Variants in UBR4 observed in about 807,000 individuals in gnomAD.
UBR4 encodes the protein E3 ubiquitin-protein ligase UBR4.
Under a neutral mutation model 575.6 loss-of-function variants are expected in UBR4, and 124 were observed. The observed-to-expected ratio is 0.22, with a 90% CI of 0.19 to 0.25. The LOEUF (loss-of-function observed/expected upper bound fraction) is 0.25, where lower values mean the gene tolerates loss of function less well. Ranked by LOEUF, UBR4 falls within the 10% of genes least tolerant of loss-of-function variation. The pLI is 1.00. For synonymous variants in UBR4, 2,455 were observed against 2,473.7 expected, an observed-to-expected ratio of 0.99 and a Z score of 0.22; for missense variants, 4,818 against 6,478.8, an observed-to-expected ratio of 0.74 and a Z score of 8.80.
At chr1:19,096,283 A>C (rs538159256) in intron 92 of UBR4, among the ~76,000 whole-genome samples, 1 of 152,332 alleles carries the variant, frequency 6.6e-6, no homozygotes, top group African/African-American at 2.4e-5. Context: ...CTATTTGGGG[A>C]AAGACAGTCA....
Position 19,139,024 on chromosome 1 carries a change from T to G in UBR4, c.8731+59A>C. The stretch of plus-strand genomic sequence containing the variant: ...ACCAACCCCAAGACCCAAGCAGAGA[T>G]TCCTGTTTTGTCCCCACCCTCTGCC... On this transcript the variant is annotated intron_variant, in intron 59 of 105. Transcript: ENST00000375254. This position sits in a 1 kb window ranked among gnomAD's most constrained non-coding sequence, Gnocchi z 4.2. The G allele has an allele frequency of 6.6e-7, 1 of 1,522,880 alleles. No homozygotes were observed. The highest frequency in any genetic ancestry group is 8.9e-7 in the Non-Finnish European group (1 of 1,128,954). The allele number at this position is 1,522,880 out of a possible 1,614,324, so 94.3% of individuals were successfully genotyped here.
At chr1:19,182,591 T>C (rs1454389534) in intron 17 of UBR4, among the ~76,000 whole-genome samples, 2 of 152,168 alleles carry the variant, frequency 1.3e-5, no homozygotes, top group African/African-American at 4.8e-5. Context: ...CCACCAGCAA[T>C]GCATCAAGAA....
rs776903531 is a variant in UBR4, at chr1:19,141,431, G to C, written c.8404C>G (p.Pro2802Ala). Residue 2802 changes from proline to alanine, a missense_variant, in exon 57 of 106, where the codon CCC becomes GCC. Pro to Ala is a conservative substitution (Grantham distance 27). This residue lies in a region of UBR4 where 129 missense variants were observed against 198.4 expected (regional missense o/e 0.65). Transcript: ENST00000375254. ...ALLAGAEGFP[P>A]MLDIPPDADD... ...GCATCAGGTGGGATGTCCAGCATGGGGGGGAAGCCCTCTGCGCCTGCCAGC... is the reference window on the plus strand; with the variant it reads ...GCATCAGGTGGGATGTCCAGCATGGCGGGGAAGCCCTCTGCGCCTGCCAGC... The C allele has an allele frequency of 1.4e-5, 23 of 1,614,118 alleles. No homozygotes were observed. The highest frequency in any genetic ancestry group is 1.6e-4 in the Middle Eastern group (1 of 6,084).
At chr1:19,121,723 CTT>C (rs1297724110) in intron 67 of UBR4, among the ~76,000 whole-genome samples, 2 of 152,222 alleles carry the variant, frequency 1.3e-5, no homozygotes, top group Admixed American at 1.3e-4. Context: ...GAGACTCCTA[CTT>C]TGTGCTTCTA....
chr1:19,179,038 A>G lies in UBR4; in HGVS notation c.2354+13T>C. 6.2e-7 allele frequency: 1 copy of G among 1,610,742 alleles called. No individual in the cohort carries two copies. Among genetic ancestry groups the G allele is most frequent in the Non-Finnish European group, 8.5e-7 (1 of 1,179,076 alleles). On this transcript the variant is annotated intron_variant, in intron 18 of 105. Coordinates refer to ENST00000375254, the MANE Select transcript of UBR4 (RefSeq NM_020765.3). ...TAACTTTCTCTATAGGCCTTCTCTT[A>G]CAGACATCTTACCTGTCCCAAACTT...
At chr1:19,104,688 G>T in intron 85 of UBR4, 22 bp from the exon 86 acceptor site, 1 of 1,612,598 alleles carries the variant, frequency 6.2e-7, no homozygotes. Context: ...GACAAGTGCA[G>T]TCAGTGTGAT....
At position 19,179,193 on chromosome 1, in the gene UBR4, C is replaced by A. The variant is rs747995808; in HGVS notation, c.2212G>T (p.Ala738Ser). The change falls in exon 18 of 106, where the codon GCT (alanine) becomes TCT (serine). Residue 738 changes from alanine (A) to serine (S), a missense_variant. This residue lies in a region of UBR4 where 1,172 missense variants were observed against 1,259.7 expected (regional missense o/e 0.93). Coordinates refer to ENST00000375254, the MANE Select transcript of UBR4 (RefSeq NM_020765.3). ...QNTLLQQLGV[A>S]PFSEGPWPLY... ...GGCCAAGGGCCCTCAGAAAAAGGAG[C>A]CACTCCTAGCTGCTGCAACAGTGTG... The A allele has an allele frequency of 6.3e-7, 1 of 1,586,600 alleles. No homozygotes were observed. The highest frequency in any genetic ancestry group is 2.2e-5 in the East Asian group (1 of 44,728).
chr1:19,105,392 C>A (rs2079076761), intron 84 of UBR4, among the ~76,000 whole-genome samples: 1 of 152,214 alleles, frequency 6.6e-6, no homozygotes, highest in South Asian at 2.1e-4. Context: ...GAGCACACTG[C>A]AGGGAGTGAA....
chr1:19,126,419 G>GT (rs1476756985), intron 64 of UBR4, 27 bp downstream of exon 64: 1 of 1,613,286 alleles, frequency 6.2e-7, no homozygotes, highest in Non-Finnish European at 8.5e-7. Context: ...AAGGACGAGT[G>GT]TTTCTTTGAT....
chr1:19,183,162 T>C (rs2091179726), intron 17 of UBR4, among the ~76,000 whole-genome samples: 1 of 152,264 alleles, frequency 6.6e-6, no homozygotes. Flanking sequence ...GGATGTTGAA[T>C]ACTTTTCCTA....
At chr1:19,086,307 G>A in intron 100 of UBR4, 37 bp from the exon 101 acceptor site, 1 of 1,249,728 alleles carries the variant, frequency 8.0e-7, no homozygotes, top group South Asian at 1.3e-5. Context: ...GCGACTGCTG[G>A]CATTAACGTG....
chr1:19,119,018 A>C (rs1475912858), intron 70 of UBR4, 61 bp from the exon 71 acceptor site: 3 of 1,534,064 alleles, frequency 2.0e-6, no homozygotes, highest in South Asian at 1.1e-5. Context: ...ATTGGAAAAG[A>C]CTTTTGTCTT....
At chr1:19,109,346 C>T (rs182979682) in intron 81 of UBR4, among the ~76,000 whole-genome samples, 9 of 152,350 alleles carry the variant, frequency 5.9e-5, no homozygotes, top group Non-Finnish European at 1.3e-4. Context: ...TTCATTTATT[C>T]ACTTAATAAT....
chr1:19,165,241 T>C lies in UBR4; in HGVS notation c.4312+8A>G. ...CCCATAAGAAGATTACTAAAAGCTG[T>C]CACTCACTCAGCTGGAAGAGTTTGG... On this transcript the variant is annotated splice_region_variant and intron_variant, in intron 31 of 105. Transcript: ENST00000375254. The C allele has an allele frequency of 1.2e-6, 2 of 1,610,336 alleles. No individual in the cohort carries two copies. Among genetic ancestry groups the C allele is most frequent in the Non-Finnish European group, 1.7e-6 (2 of 1,176,628 alleles).
At chr1:19,176,283 G>A (rs540252015) in intron 20 of UBR4, among the ~76,000 whole-genome samples, 2 of 150,992 alleles carry the variant, frequency 1.3e-5, no homozygotes, top group South Asian at 2.1e-4. Flanking sequence ...CAGTAGAGAT[G>A]GGGTTTCACC....
At chr1:19,188,586 G>A (rs750806015) in intron 11 of UBR4, among the ~76,000 whole-genome samples, 1 of 152,146 alleles carries the variant, frequency 6.6e-6, no homozygotes, top group Non-Finnish European at 1.5e-5. Context: ...TTACATTCAA[G>A]TAAAGTGTTT....
chr1:19,208,999 A>C (rs2093164967), intron 1 of UBR4, among the ~76,000 whole-genome samples: 1 of 152,248 alleles, frequency 6.6e-6, no homozygotes, highest in African/African-American at 2.4e-5. Flanking sequence ...CTGACTGTGA[A>C]GTTACCAAAC....
chr1:19,131,366 A>C (rs1029962262), intron 60 of UBR4, among the ~76,000 whole-genome samples: 1 of 152,024 alleles, frequency 6.6e-6, no homozygotes, highest in Admixed American at 6.5e-5. Flanking sequence ...CCAAGCAAAA[A>C]CTGAAAATAA....
rs1189782028 is a variant in UBR4, at chr1:19,121,993, C to A, written c.9836G>T (p.Cys3279Phe). The A allele has an allele frequency of 6.2e-7, 1 of 1,614,044 alleles. No individual in the cohort carries two copies. Among genetic ancestry groups the A allele is most frequent in the African/African-American group, 1.3e-5 (1 of 74,944 alleles). The change falls in exon 67 of 106, where the codon TGT (cysteine) becomes TTT (phenylalanine). Residue 3279 changes from cysteine to phenylalanine, a missense_variant. This residue lies in a region of UBR4 where 550 missense variants were observed against 791.5 expected (regional missense o/e 0.69). Coordinates refer to ENST00000375254, the MANE Select transcript of UBR4 (RefSeq NM_020765.3). ...GGTTCGCTGGGCGGCAATCTCTGCA[C>A]AGGCTTTCAGGTGCTCCATCTGAAA... ...LISLMEHLKA[C>F]AEIAAQRTIN...
Sources: allele counts gnomAD v4.1 joint callset (sites outside exome capture counted in the v4.1 genomes callset), GRCh38; gene constraint gnomAD v4.1.1; regional missense constraint gnomAD v4.1.1; non-coding constraint Gnocchi (gnomAD v3.1); transcripts MANE v1.5; gene names NCBI Gene and HGNC (gene_info 2026-07-23, HGNC 2026-07-21).